MYO9B: variants seen among roughly 807,000 people sequenced by gnomAD.
The protein encoded by MYO9B is myosin IXB.
Under a neutral mutation model 229.5 loss-of-function variants are expected in MYO9B, and 71 were observed. The ratio of observed to expected loss-of-function variants is 0.31; its 90% confidence interval spans 0.26 to 0.38. The LOEUF (loss-of-function observed/expected upper bound fraction) is 0.38, where lower values mean the gene tolerates loss of function less well. Ranked by LOEUF, MYO9B falls within the 10% of genes least tolerant of loss-of-function variation. The probability of loss-of-function intolerance (pLI) is 1.00; values close to 1 mark genes in which losing one functional copy is unlikely to be tolerated. For synonymous variants in MYO9B, 1,185 were observed against 1,235.8 expected, an observed-to-expected ratio of 0.96 and a Z score of 0.86; for missense variants, 2,255 against 2,920.5, an observed-to-expected ratio of 0.77 and a Z score of 5.25.
chr19:17,191,124 C>A lies in MYO9B; in HGVS notation c.2716C>A (p.Leu906Met), dbSNP rs780961134. The A allele has an allele frequency of 1.2e-6, 2 of 1,612,846 alleles. No homozygotes were observed. The highest frequency in any genetic ancestry group is 2.2e-5 in the South Asian group (2 of 90,866). Residue 906 changes from leucine (L) to methionine (M), a missense_variant, in exon 20 of 40, where the codon CTG (leucine) becomes ATG (methionine). Leu to Met is a conservative substitution (Grantham distance 15). Around this residue, in one of 7 missense-constraint regions of MYO9B, gnomAD observed 679 missense variants for 770.2 expected, o/e 0.88. Transcript: ENST00000682292. ...QDFTEQFQVL[L>M]PKDAQPCREV... ...TTTCACCGAGCAGTTCCAGGTGCTC[C>A]TGCCCAAGGATGCCCAGCCCTGCAG...
At chr19:17,200,464 C>A in intron 25 of MYO9B, 38 bp downstream of exon 25, 1 of 1,545,114 alleles carries the variant, frequency 6.5e-7, no homozygotes, top group South Asian at 1.2e-5. Flanking sequence ...ACAGTAGAGC[C>A]ACCAGTGCCC....
intron 2 of MYO9B, among the ~76,000 whole-genome samples, chr19:17,130,558 T>G (rs1301529274): frequency 6.6e-6 from 1 of 150,814 alleles, no homozygotes; most frequent in Non-Finnish European, 1.5e-5. Flanking sequence ...AGGCGGAGCT[T>G]GGAGTGAGCC....
chr19:17,210,441 C>G (rs561075938), intron 37 of MYO9B, 61 bp downstream of exon 37: 9 of 1,488,074 alleles, frequency 6.0e-6, no homozygotes, highest in African/African-American at 1.4e-5. Context: ...TGCTGGGGTT[C>G]CCTGGGGCCC....
rs140540025 is a variant in MYO9B, at chr19:17,158,755, C to T, written c.1330-640C>T. On this transcript the variant is annotated intron_variant, in intron 7 of 39. Transcript: ENST00000682292. ...CAGGCCCTGTGCAATGGATGGGAAC[C>T]ACCAGCTCCAATAGGCAAGGCGGCC... is the stretch of plus-strand genomic sequence containing the variant. 8.8e-3 allele frequency among the ~76,000 whole-genome samples: 1,347 copies of T among 152,240 alleles called. 7 individuals carry two copies. The highest frequency in any genetic ancestry group is 0.014 in the Non-Finnish European group (969 of 68,014).
chr19:17,193,410 C>G lies in MYO9B; in HGVS notation c.3128+348C>G, dbSNP rs571121191. 1.3e-5 allele frequency among the ~76,000 whole-genome samples: 2 copies of G among 152,218 alleles called. No homozygotes were observed. The highest frequency in any genetic ancestry group is 2.1e-4 in the South Asian group (1 of 4,824). ...ACTCACATGGAGCTGGGGCATCCAC[C>G]GGGCACAGAGAAGCCCCCAGGAGGA... On this transcript the variant is annotated intron_variant, in intron 21 of 39. Transcript: ENST00000682292. The surrounding 1 kb of genome is among the most constrained non-coding windows in gnomAD (Gnocchi z 4.3).
At chr19:17,178,098 A>C (rs2072811112) in intron 14 of MYO9B, among the ~76,000 whole-genome samples, 1 of 152,236 alleles carries the variant, frequency 6.6e-6, no homozygotes, top group African/African-American at 2.4e-5. Context: ...CCTCATTCCA[A>C]GCCGTGGCCG....
chr19:17,135,170 T>A (rs1304702726), intron 2 of MYO9B, among the ~76,000 whole-genome samples: 1 of 152,206 alleles, frequency 6.6e-6, no homozygotes, highest in Admixed American at 6.5e-5. Context: ...TTCCTTTGGA[T>A]ATATACCCAG....
At chr19:17,176,761 A>G (rs1054195738) in intron 14 of MYO9B, among the ~76,000 whole-genome samples, 2 of 152,186 alleles carry the variant, frequency 1.3e-5, no homozygotes, top group Non-Finnish European at 2.9e-5. Context: ...GTGGCCCAAA[A>G]GTAGTTCTGC....
intron 2 of MYO9B, among the ~76,000 whole-genome samples, chr19:17,131,593 T>C (rs1306226131): frequency 6.6e-6 from 1 of 152,100 alleles, no homozygotes; most frequent in Non-Finnish European, 1.5e-5. Context: ...TTCTCTAACT[T>C]TCTCAATTCA....
intron 10 of MYO9B, among the ~76,000 whole-genome samples, chr19:17,165,687 A>C (rs1443771249): frequency 6.6e-6 from 1 of 152,150 alleles, no homozygotes; most frequent in Non-Finnish European, 1.5e-5. Context: ...AGGCAGGTGG[A>C]TCACTCGAGC....
intron 32 of MYO9B, 31 bp from the exon 33 acceptor site, chr19:17,206,217 G>C: frequency 2.5e-6 from 4 of 1,584,584 alleles, no homozygotes; most frequent in Non-Finnish European, 2.6e-6. Flanking sequence ...CCAGTGCGCC[G>C]CTCACCAGAC....
intron 3 of MYO9B, among the ~76,000 whole-genome samples, chr19:17,149,246 G>GTT (rs2072450744): frequency 1.3e-5 from 2 of 152,064 alleles, no homozygotes; most frequent in Non-Finnish European, 2.9e-5. Flanking sequence ...CCAAAGCTCT[G>GTT]GGGATTACAG....
chr19:17,149,095 C>G (rs1030837717), intron 3 of MYO9B, among the ~76,000 whole-genome samples: 1 of 152,150 alleles, frequency 6.6e-6, no homozygotes, highest in Non-Finnish European at 1.5e-5. Context: ...CTGCCTCAGC[C>G]TCCTGAGTAG....
chr19:17,149,353 C>G (rs1207508303), intron 3 of MYO9B, among the ~76,000 whole-genome samples: 1 of 152,126 alleles, frequency 6.6e-6, no homozygotes, highest in Non-Finnish European at 1.5e-5. Flanking sequence ...GGACCAGACA[C>G]CAGAAGGGCT....
chr19:17,180,322 G>A (rs1015967225), intron 14 of MYO9B, among the ~76,000 whole-genome samples: 1 of 150,474 alleles, frequency 6.6e-6, no homozygotes, highest in Non-Finnish European at 1.5e-5. Context: ...GAATAAAGTG[G>A]AATGACCAGA....
At chr19:17,161,302 A>G (rs571643710) in intron 8 of MYO9B, among the ~76,000 whole-genome samples, 1 of 152,094 alleles carries the variant, frequency 6.6e-6, no homozygotes, top group East Asian at 1.9e-4. Flanking sequence ...TCCAGAGGCT[A>G]CTGGGTCTGT....
intron 18 of MYO9B, among the ~76,000 whole-genome samples, chr19:17,186,217 G>A (rs989518429): frequency 1.3e-5 from 2 of 152,196 alleles, no homozygotes; most frequent in African/African-American, 2.4e-5. Flanking sequence ...CCCAGAGAAG[G>A]TTTGATTAGG....
At chr19:17,138,426 T>C (rs1310701989) in intron 2 of MYO9B, among the ~76,000 whole-genome samples, 1 of 152,160 alleles carries the variant, frequency 6.6e-6, no homozygotes, top group Non-Finnish European at 1.5e-5. Flanking sequence ...AGTAAAGGGA[T>C]TGCTGCATAC....
rs372600260 is a variant in MYO9B, at chr19:17,171,743, G to C, written c.1794-593G>C. ...GAGGCAGGAGGATCACTTGAGGCCA[G>C]GAGTTCAAGACCAGCCTGGGTAACA... On this transcript the variant is annotated intron_variant, in intron 11 of 39. Transcript: ENST00000682292. 3.9e-5 allele frequency among the ~76,000 whole-genome samples: 6 copies of C among 152,258 alleles called. No individual in the cohort carries two copies. The East Asian group carries it at 9.6e-4, about 24-fold the overall frequency.
Sources: gnomAD v4.1 joint callset for allele counts (sites outside exome capture counted in the v4.1 genomes callset) on GRCh38, gnomAD v4.1.1 for gene constraint, gnomAD v4.1.1 regional missense constraint, Gnocchi (gnomAD v3.1) non-coding constraint, MANE v1.5 for transcripts, NCBI Gene and HGNC (gene_info 2026-07-23, HGNC 2026-07-21) for gene names.